Variants in NEGR1 observed in about 807,000 individuals in gnomAD.
NEGR1 encodes IgLON family member 4.
In NEGR1, 10 loss-of-function variants were observed where a neutral mutation model predicts 40.9. The observed-to-expected ratio is 0.24, with a 90% CI of 0.15 to 0.42. The LOEUF (loss-of-function observed/expected upper bound fraction) is 0.42, where lower values mean the gene tolerates loss of function less well. Among genes scored for constraint, NEGR1 ranks in the 10% least tolerant of loss-of-function variants. The pLI is 1.00. For missense variants in NEGR1, 352 were observed against 438.9 expected (o/e 0.80, Z 1.77); for synonymous variants, 185 against 166.8 (o/e 1.11, Z -0.84).
At chr1:72,136,208 GA>G (rs1267404589) in intron 1 of NEGR1, among the ~76,000 whole-genome samples, 1 of 152,108 alleles carries the variant, frequency 6.6e-6, no homozygotes, top group Non-Finnish European at 1.5e-5. Flanking sequence ...GTTAGGATGA[GA>G]AAGCACATGT....
At chr1:71,936,094 C>T (rs1176119130) in intron 1 of NEGR1, among the ~76,000 whole-genome samples, 4 of 152,090 alleles carry the variant, frequency 2.6e-5, no homozygotes, top group East Asian at 1.9e-4. Flanking sequence ...CCACCATGCC[C>T]GGCCTATAAG....
intron 3 of NEGR1, among the ~76,000 whole-genome samples, chr1:71,774,814 C>A (rs551995926): frequency 6.6e-6 from 1 of 152,230 alleles, no homozygotes; most frequent in South Asian, 2.1e-4. Context: ...AAATTTCACA[C>A]AACTTGATAA....
At chr1:71,693,971 A>G (rs928690225) in intron 4 of NEGR1, among the ~76,000 whole-genome samples, 2 of 151,740 alleles carry the variant, frequency 1.3e-5, no homozygotes, top group Non-Finnish European at 3.0e-5. Context: ...TTTCTAATAA[A>G]TCAGCTTTTT....
At chr1:72,150,794 A>C (rs1273393097) in intron 1 of NEGR1, among the ~76,000 whole-genome samples, 1 of 152,088 alleles carries the variant, frequency 6.6e-6, no homozygotes, top group Admixed American at 6.6e-5. Flanking sequence ...TACAAAGCCA[A>C]AAAATGGTAA....
intron 1 of NEGR1, among the ~76,000 whole-genome samples, chr1:72,143,902 TATGATATATATA>T (rs2100340537): frequency 3.7e-5 from 3 of 81,552 alleles, no homozygotes; most frequent in African/African-American, 1.5e-4. Flanking sequence ...ATATTATATA[TATGATATATATA>T]ATATATATAT....
At chr1:71,457,764 G>GGCTC (rs1286151995) in intron 6 of NEGR1, among the ~76,000 whole-genome samples, 5 of 151,874 alleles carry the variant, frequency 3.3e-5, no homozygotes, top group Non-Finnish European at 5.9e-5. Context: ...GGAGTGCAGT[G>GGCTC]GATCTCGGCT....
intron 6 of NEGR1, among the ~76,000 whole-genome samples, chr1:71,527,988 G>T (rs12026403): frequency 6.6e-6 from 1 of 151,302 alleles, no homozygotes; most frequent in Admixed American, 6.6e-5. Context: ...AAAGCAAACA[G>T]TGTTACGTAG....
At position 72,161,863 on chromosome 1, in the gene NEGR1, T is replaced by A. The variant is rs114348855; in HGVS notation, c.176+120456A>T. ...GGCTAATTTTTGTTTTGTTTTGTTTTGTATTTTAATGGAGATGGGTTTTCA... is the reference window on the plus strand; with the variant it reads ...GGCTAATTTTTGTTTTGTTTTGTTTAGTATTTTAATGGAGATGGGTTTTCA... On this transcript the variant is annotated intron_variant, in intron 1 of 6. Transcript: ENST00000357731. Among the ~76,000 whole-genome samples the A allele has an allele frequency of 3.7e-3, 556 of 151,566 alleles. 2 individuals are homozygous for A. The highest frequency in any genetic ancestry group is 0.013 in the African/African-American group (543 of 41,350).
chr1:71,586,589 A>G (rs1275257889), intron 6 of NEGR1, among the ~76,000 whole-genome samples: 1 of 152,154 alleles, frequency 6.6e-6, no homozygotes, highest in African/African-American at 2.4e-5. Context: ...GGTTTTCACT[A>G]GAGGCAATTT....
chr1:71,695,168 TACTC>T (rs1322810356), intron 4 of NEGR1, among the ~76,000 whole-genome samples: 3 of 151,912 alleles, frequency 2.0e-5, no homozygotes, highest in Admixed American at 6.6e-5. Context: ...TTTTCAGACA[TACTC>T]ACAATCACAT....
intron 6 of NEGR1, among the ~76,000 whole-genome samples, chr1:71,554,042 T>C (rs1296191699): frequency 6.6e-6 from 1 of 151,546 alleles, no homozygotes; most frequent in African/African-American, 2.4e-5. Context: ...ATTGCTTTAA[T>C]TAATACTTTT....
At chr1:72,250,496 T>G (rs906675612) in intron 1 of NEGR1, among the ~76,000 whole-genome samples, 2 of 152,190 alleles carry the variant, frequency 1.3e-5, no homozygotes, top group Non-Finnish European at 2.9e-5. Flanking sequence ...AATGAAATAG[T>G]TATTGCCTTC....
chr1:71,584,482 C>T (rs1182659893), intron 6 of NEGR1, among the ~76,000 whole-genome samples: 1 of 152,070 alleles, frequency 6.6e-6, no homozygotes, highest in East Asian at 1.9e-4. Flanking sequence ...ATACTCAGAC[C>T]TTCATAATAA....
chr1:71,706,072 A>T (rs1653886113), intron 3 of NEGR1, among the ~76,000 whole-genome samples: 1 of 152,250 alleles, frequency 6.6e-6, no homozygotes, highest in Admixed American at 6.5e-5. Context: ...GAAGTACTGA[A>T]GAGATTTTTA....
chr1:71,761,919 C>T lies in NEGR1; in HGVS notation c.535+14253G>A, dbSNP rs1043149559. Among the ~76,000 whole-genome samples the T allele has an allele frequency of 2.6e-5, 4 of 152,026 alleles. No individual in the cohort carries two copies. The East Asian group carries it at 7.7e-4, about 29-fold the overall frequency. ...AAGATAGGTAAATACAAAATACTTT[C>T]CTTCTCTTGAGTTTTCCAAGTTTGC... On this transcript the variant is annotated intron_variant, in intron 3 of 6. Coordinates refer to ENST00000357731, the MANE Select transcript of NEGR1 (RefSeq NM_173808.3).
intron 1 of NEGR1, among the ~76,000 whole-genome samples, chr1:72,000,715 T>C (rs1000588957): frequency 1.3e-5 from 2 of 152,182 alleles, no homozygotes; most frequent in East Asian, 1.9e-4. Flanking sequence ...AGTGAACCAA[T>C]TGGCAATTTA....
At position 72,002,138 on chromosome 1, in the gene NEGR1, C is replaced by T. The variant is rs367560594; in HGVS notation, c.177-66827G>A. Among the ~76,000 whole-genome samples, 15 of 151,922 alleles carry T rather than the reference C, an allele frequency of 9.9e-5. No individual in the cohort carries two copies. In the South Asian group the frequency reaches 1.2e-3, roughly 13 times the overall value. ...TTGATTATATGTGAAAATTCTTAAACGGCTTTGGAAGAACATTAATTTGGG... is the reference window on the plus strand; with the variant it reads ...TTGATTATATGTGAAAATTCTTAAATGGCTTTGGAAGAACATTAATTTGGG... On this transcript the variant is annotated intron_variant, in intron 1 of 6. Transcript: ENST00000357731.
intron 1 of NEGR1, among the ~76,000 whole-genome samples, chr1:72,277,273 A>G (rs1168500527): frequency 6.6e-6 from 1 of 152,092 alleles, no homozygotes; most frequent in Admixed American, 6.6e-5. Flanking sequence ...TGGACAAAGT[A>G]TGGGTCTGGC....
At chr1:71,737,502 T>C (rs1403398337) in intron 3 of NEGR1, among the ~76,000 whole-genome samples, 1 of 152,206 alleles carries the variant, frequency 6.6e-6, no homozygotes, top group Non-Finnish European at 1.5e-5. Flanking sequence ...TCTCTCACTA[T>C]GCAAGTTGGT....
Sources: gnomAD v4.1 joint callset for allele counts (sites outside exome capture counted in the v4.1 genomes callset) on GRCh38, gnomAD v4.1.1 for gene constraint, MANE v1.5 for transcripts, NCBI Gene and HGNC (gene_info 2026-07-23, HGNC 2026-07-21) for gene names.